The following TCF4 variants were observed in gnomAD, a reference collection of about 807,000 sequenced individuals.
TCF4 encodes SL3-3 enhancer factor 2.
In TCF4, 3 loss-of-function variants were observed where a neutral mutation model predicts 82.1. The observed-to-expected ratio is 0.04, with a 90% CI of 0.02 to 0.09. The LOEUF (loss-of-function observed/expected upper bound fraction) is 0.09. TCF4 is among the 10% of genes least tolerant of loss of function. The pLI, the probability that TCF4 is intolerant of heterozygous loss-of-function variation, is 1.00. For synonymous variants in TCF4, 276 were observed against 309.6 expected (o/e 0.89, Z 1.14); for missense variants, 518 against 852.7 (o/e 0.61, Z 4.89).
chr18:55,537,875 T>C (rs955880988), intron 3 of TCF4, among the ~76,000 whole-genome samples: 5 of 152,084 alleles, frequency 3.3e-5, no homozygotes, highest in African/African-American at 9.7e-5. Context: ...CTATGGGACT[T>C]ATGCACCCAG....
At chr18:55,321,994 C>G in intron 8 of TCF4, 1 of 1,231,946 alleles carries the variant, frequency 8.1e-7, no homozygotes, top group Non-Finnish European at 1.0e-6. Flanking sequence ...AATGCATACG[C>G]GAGATCGATT....
intron 3 of TCF4, among the ~76,000 whole-genome samples, chr18:55,556,649 C>T (rs1202175207): frequency 6.6e-6 from 1 of 152,178 alleles, no homozygotes; most frequent in Non-Finnish European, 1.5e-5. Flanking sequence ...GCCAATACAC[C>T]AAACCACATG....
At chr18:55,304,339 T>C (rs2069446863) in intron 8 of TCF4, among the ~76,000 whole-genome samples, 1 of 152,124 alleles carries the variant, frequency 6.6e-6, no homozygotes, top group South Asian at 2.1e-4. Flanking sequence ...CAAATAAGCC[T>C]AATGTAACAG....
At chr18:55,597,867 C>G (rs2097692725) in intron 2 of TCF4, among the ~76,000 whole-genome samples, 1 of 152,128 alleles carries the variant, frequency 6.6e-6, no homozygotes, top group African/African-American at 2.4e-5. Flanking sequence ...ATTTCCATAT[C>G]CTCTCCTAAA....
intron 1 of TCF4, among the ~76,000 whole-genome samples, chr18:55,631,616 C>A (rs2097731692): frequency 6.6e-6 from 1 of 152,180 alleles, no homozygotes; most frequent in Non-Finnish European, 1.5e-5. Flanking sequence ...TATAGCTGAG[C>A]TGGAAAGCAA....
chr18:55,228,755 G>A lies in TCF4; in HGVS notation c.1879+92C>T, dbSNP rs1031275848. 7.0e-6 allele frequency: 9 copies of A among 1,291,642 alleles called. No individual in the cohort carries two copies. In the African/African-American group the frequency reaches 1.3e-4, roughly 19 times the overall value. The allele number at this position is 1,291,642 out of a possible 1,614,324, so 80.0% of individuals were successfully genotyped here. Reference sequence around the variant, plus strand: ...TTGGAATGATGCTTGAAAGTCTACTGTCTGCCACTGCTCAAGACTGGCGTG... The same window carrying A: ...TTGGAATGATGCTTGAAAGTCTACTATCTGCCACTGCTCAAGACTGGCGTG... On this transcript the variant is annotated intron_variant, in intron 18 of 19. Coordinates refer to ENST00000354452, the MANE Select transcript of TCF4 (RefSeq NM_001083962.2).
intron 3 of TCF4, among the ~76,000 whole-genome samples, chr18:55,507,648 T>C (rs771711902): frequency 5.3e-5 from 8 of 152,272 alleles, no homozygotes; most frequent in Middle Eastern, 3.4e-3. Flanking sequence ...CAACTACACA[T>C]GGGTAGACAA....
chr18:55,569,405 T>G, intron 3 of TCF4, among the ~76,000 whole-genome samples: 1 of 151,952 alleles, frequency 6.6e-6, no homozygotes, highest in East Asian at 1.9e-4. Context: ...GAATGCCAGG[T>G]GTGGTGCCGG....
rs530007939 is a variant in TCF4 at position 55,373,104 on chromosome 18, C to T, written c.370-22101G>A. On this transcript the variant is annotated intron_variant, in intron 6 of 19. Coordinates refer to ENST00000354452, the MANE Select transcript of TCF4 (RefSeq NM_001083962.2). The stretch of plus-strand genomic sequence containing the variant: ...ATATTCCTCAACTAAGTTACAGTGG[C>T]TGTCACATTAGGCTAGAAAAATGTA... 5.3e-5 allele frequency among the ~76,000 whole-genome samples: 8 copies of T among 151,980 alleles called. No individual in the cohort carries two copies. In the South Asian group the frequency reaches 8.3e-4, roughly 16 times the overall value.
At chr18:55,563,281 G>A (rs1020643684) in intron 3 of TCF4, among the ~76,000 whole-genome samples, 1 of 147,272 alleles carries the variant, frequency 6.8e-6, no homozygotes, top group Non-Finnish European at 1.5e-5. Context: ...TTCTTTCTCT[G>A]GCTAATAAAA....
intron 2 of TCF4, among the ~76,000 whole-genome samples, chr18:55,586,759 C>T (rs940077382): frequency 1.3e-5 from 2 of 150,100 alleles, no homozygotes; most frequent in Non-Finnish European, 3.0e-5. Flanking sequence ...TTAGGGGTGT[C>T]TATTTTTGCT....
At chr18:55,484,873 T>A (rs1308035343) in intron 3 of TCF4, among the ~76,000 whole-genome samples, 1 of 152,234 alleles carries the variant, frequency 6.6e-6, no homozygotes, top group African/African-American at 2.4e-5. Context: ...CAGTTTTTGG[T>A]ATAATTGCTA....
At chr18:55,355,492 C>T (rs927884867) in intron 6 of TCF4, among the ~76,000 whole-genome samples, 3 of 152,014 alleles carry the variant, frequency 2.0e-5, no homozygotes, top group Admixed American at 1.3e-4. Flanking sequence ...AGGAGGGGGG[C>T]GATAATTTTG....
rs911366691 is a variant in TCF4 at position 55,554,009 on chromosome 18, T to A, written c.145+31271A>T. On this transcript the variant is annotated intron_variant, in intron 3 of 19. Transcript: ENST00000354452. ...ATTTTTGAAAATACATAAAGAAAAA[T>A]TAGTTAGATGGTAGTGATAAAATTA... 2.0e-5 allele frequency among the ~76,000 whole-genome samples: 3 copies of A among 149,334 alleles called. No homozygotes were observed. In the South Asian group the frequency reaches 6.2e-4, roughly 31 times the overall value.
At chr18:55,336,048 A>C (rs1201580369) in intron 8 of TCF4, among the ~76,000 whole-genome samples, 2 of 152,048 alleles carry the variant, frequency 1.3e-5, no homozygotes, top group African/African-American at 4.8e-5. Context: ...TAAAACTTAA[A>C]AAATTAAATA....
At chr18:55,632,673 A>G (rs1187897913) in intron 1 of TCF4, among the ~76,000 whole-genome samples, 3 of 152,382 alleles carry the variant, frequency 2.0e-5, no homozygotes, top group Admixed American at 6.5e-5. Flanking sequence ...GAGCATCTCT[A>G]TAGTACTGCT....
rs564830398 is a variant in TCF4 at position 55,256,268 on chromosome 18, C to G, written c.1146+1047G>C. ...AAGCTGTGGCCCATAACTATACACC[C>G]CGTCTTTACAGTTCTATAGTTGGAC... On this transcript the variant is annotated intron_variant, in intron 14 of 19. Coordinates refer to ENST00000354452, the MANE Select transcript of TCF4 (RefSeq NM_001083962.2). Among the ~76,000 whole-genome samples, 7 of 152,206 alleles carry G rather than the reference C, an allele frequency of 4.6e-5. No individual in the cohort carries two copies. The South Asian group carries it at 1.5e-3, about 32-fold the overall frequency.
rs73479287 is a variant in TCF4, at chr18:55,479,288, C to T, written c.146-15151G>A. On this transcript the variant is annotated intron_variant, in intron 3 of 19. Coordinates refer to ENST00000354452, the MANE Select transcript of TCF4 (RefSeq NM_001083962.2). ...TGTCTTCATTGGACTGCTGATGGCC[C>T]GTCACTGGGAAAGTTATTTATATGT... 2.9e-3 allele frequency: 439 copies of T among 153,976 alleles called. 2 individuals carry two copies. The highest frequency in any genetic ancestry group is 0.01 in the African/African-American group (421 of 41,544). The allele number at this position is 153,976 out of a possible 1,614,324, so 9.5% of individuals were successfully genotyped here.
intron 8 of TCF4, chr18:55,321,940 G>C: frequency 7.3e-7 from 1 of 1,378,900 alleles, no homozygotes; most frequent in Non-Finnish European, 9.4e-7. Flanking sequence ...ACTTTGCGCA[G>C]CGGAGCTGGA....
Sources: gnomAD v4.1 joint callset for allele counts (sites outside exome capture counted in the v4.1 genomes callset) on GRCh38, gnomAD v4.1.1 for gene constraint, MANE v1.5 for transcripts, NCBI Gene and HGNC (gene_info 2026-07-23, HGNC 2026-07-21) for gene names.